Variants in RELN observed in about 807,000 individuals in gnomAD.
RELN encodes the protein reelin.
RELN carries 108 observed loss-of-function variants against 427.6 expected under a neutral mutation model. The ratio of observed to expected loss-of-function variants is 0.25; its 90% confidence interval spans 0.22 to 0.30. The LOEUF is 0.30. Among genes scored for constraint, RELN ranks in the 10% least tolerant of loss-of-function variants. The pLI is 1.00. For synonymous variants in RELN, 1,524 were observed against 1,513.4 expected (o/e 1.01, Z -0.16); for missense variants, 3,715 against 4,302.8 (o/e 0.86, Z 3.82).
rs1830119075 is a variant in RELN, at chr7:103,539,071, T to C, written c.7180+7A>G. 1 of 1,614,016 alleles carries C rather than the reference T, an allele frequency of 6.2e-7. No homozygotes were observed. The highest frequency in any genetic ancestry group is 8.5e-7 in the Non-Finnish European group (1 of 1,180,008). ...CCTGTCCCTCTATCTGGAGACGGCATACTCACCATAACAAGAGTCTGTGAC... is the reference window on the plus strand; with the variant it reads ...CCTGTCCCTCTATCTGGAGACGGCACACTCACCATAACAAGAGTCTGTGAC... On this transcript the variant is annotated splice_region_variant and intron_variant, in intron 45 of 64. Coordinates refer to ENST00000428762, the MANE Select transcript of RELN (RefSeq NM_005045.4).
Position 103,824,627 on chromosome 7 carries a change from A to AGTGTGTGTGTGTGTGTGTGTGT in RELN, c.473+8888_473+8909dup, listed in dbSNP as rs368098458. 3.4e-4 allele frequency among the ~76,000 whole-genome samples: 45 copies of AGTGTGTGTGTGTGTGTGTGTGT among 130,968 alleles called. No individual in the cohort carries two copies. Among genetic ancestry groups the AGTGTGTGTGTGTGTGTGTGTGT allele is most frequent in the Middle Eastern group, 4.3e-3 (1 of 230 alleles). 85.9% of individuals were successfully genotyped at this position (130,968 alleles called of 152,430 possible). A position where few individuals can be genotyped will look rare whatever the true frequency, so the allele number is the denominator to read the frequency against. On this transcript the variant is annotated intron_variant, in intron 3 of 64. Coordinates refer to ENST00000428762, the MANE Select transcript of RELN (RefSeq NM_005045.4). The surrounding 1 kb of genome is among the most constrained non-coding windows in gnomAD (Gnocchi z 4.4). Reference sequence around the variant, plus strand: ...GTGTTTTCACTTTCTTTCAAAACAGAGTGTGTGTGTGTGTGTGTGTGTGTG... The same window carrying AGTGTGTGTGTGTGTGTGTGTGT: ...GTGTTTTCACTTTCTTTCAAAACAGAGTGTGTGTGTGTGTGTGTGTGTGTGTGTGTGTGTGTGTGTGTGTGTG...
chr7:103,956,147 C>T (rs141517696), intron 1 of RELN, among the ~76,000 whole-genome samples: 2 of 152,296 alleles, frequency 1.3e-5, no homozygotes, highest in African/African-American at 2.4e-5. Context: ...ACTGCTTTAT[C>T]TACATTGCTC....
At chr7:103,628,968 C>T (rs994500380) in intron 20 of RELN, among the ~76,000 whole-genome samples, 3 of 152,162 alleles carry the variant, frequency 2.0e-5, no homozygotes, top group Non-Finnish European at 4.4e-5. Context: ...ACTACCTGGT[C>T]TCCAGGACAA....
chr7:103,766,540 TA>T (rs543943043), intron 4 of RELN, among the ~76,000 whole-genome samples: 71 of 152,338 alleles, frequency 4.7e-4, no homozygotes, highest in Non-Finnish European at 8.2e-4. Context: ...TAGTTGGGTA[TA>T]AAGTTACACT....
rs1250120746 is a variant in RELN, at chr7:103,635,549, C to G, written c.2341G>C (p.Val781Leu). Residue 781 changes from valine to leucine, a missense_variant, in exon 19 of 65, where the codon GTT becomes CTT. By Grantham distance (32) the Val-to-Leu change is conservative (BLOSUM62 1). This residue lies in a region of RELN where 2,208 missense variants were observed against 2,361.7 expected (regional missense o/e 0.93). Transcript: ENST00000428762. ...TCAGGGGCTCTGCACGTGCTCAGAA[C>G]AGATTTGCTCCCCAGTCTCAGTGTG... is the stretch of plus-strand genomic sequence containing the variant. ...QFTLRLGSKS[V>L]LSTCRAPDQP... The G allele has an allele frequency of 6.2e-7, 1 of 1,613,846 alleles. No individual in the cohort carries two copies. Among genetic ancestry groups the G allele is most frequent in the Non-Finnish European group, 8.5e-7 (1 of 1,179,906 alleles).
intron 28 of RELN, 31 bp downstream of exon 28, chr7:103,589,565 G>T: frequency 6.9e-7 from 1 of 1,456,066 alleles, no homozygotes; most frequent in Non-Finnish European, 9.7e-7. Flanking sequence ...CTTTCTTAAT[G>T]GCCCAAACCC....
At chr7:103,969,468 T>C (rs1408721250) in intron 1 of RELN, among the ~76,000 whole-genome samples, 2 of 152,166 alleles carry the variant, frequency 1.3e-5, no homozygotes, top group African/African-American at 2.4e-5. Context: ...ATGCCAGAAA[T>C]GGCCAATTAG....
chr7:103,899,301 T>G (rs1795030123), intron 2 of RELN, among the ~76,000 whole-genome samples: 1 of 152,028 alleles, frequency 6.6e-6, no homozygotes, highest in South Asian at 2.1e-4. Flanking sequence ...CAATAATTAA[T>G]AGCCTACCAA....
Position 103,487,170 on chromosome 7 carries a change from C to T in RELN, c.9764-754G>A, listed in dbSNP as rs998218550. 3.9e-5 allele frequency among the ~76,000 whole-genome samples: 6 copies of T among 152,152 alleles called. No homozygotes were observed. The South Asian group carries it at 1.0e-3, about 26-fold the overall frequency. ...CTAACACAAGAATAGAAAACCAAAC[C>T]ACCGCATGTTCTAATTCATAGGTGG... On this transcript the variant is annotated intron_variant, in intron 60 of 64. Transcript: ENST00000428762.
At chr7:103,810,437 G>C (rs973864963) in intron 3 of RELN, among the ~76,000 whole-genome samples, 1 of 152,128 alleles carries the variant, frequency 6.6e-6, no homozygotes, top group African/African-American at 2.4e-5. Context: ...TAATCAACTG[G>C]AACCAGAGGA....
chr7:103,544,937 C>T (rs1342788135), intron 42 of RELN, among the ~76,000 whole-genome samples, 187 bp downstream of exon 42: 1 of 152,190 alleles, frequency 6.6e-6, no homozygotes, highest in African/African-American at 2.4e-5. Flanking sequence ...ATCAGTATTT[C>T]ACTCACTGAC....
intron 46 of RELN, 121 bp downstream of exon 46, chr7:103,535,195 C>A: frequency 2.3e-6 from 2 of 880,916 alleles, no homozygotes; most frequent in Non-Finnish European, 3.7e-6. Context: ...TCATACATGG[C>A]AATACCATTA....
chr7:103,862,932 A>G (rs749830282), intron 2 of RELN, among the ~76,000 whole-genome samples: 5 of 152,146 alleles, frequency 3.3e-5, no homozygotes, highest in Non-Finnish European at 5.9e-5. Flanking sequence ...AGAGCCACAT[A>G]TTGAAGAGTG....
chr7:103,799,059 G>T (rs1792380100), intron 3 of RELN, among the ~76,000 whole-genome samples: 1 of 152,062 alleles, frequency 6.6e-6, no homozygotes, highest in African/African-American at 2.4e-5. Flanking sequence ...CATGTCTTGG[G>T]TTGCCATGAG....
intron 11 of RELN, 22 bp from the exon 12 acceptor site, chr7:103,661,549 GAGTT>G: frequency 6.2e-7 from 1 of 1,609,802 alleles, no homozygotes; most frequent in Non-Finnish European, 8.5e-7. Flanking sequence ...GGGGGATTAA[GAGTT>G]AGAGTTAGAA....
Position 103,539,311 on chromosome 7 carries a change from T to C in RELN, c.6947A>G (p.Asn2316Ser), listed in dbSNP as rs779039947. 1.2e-6 allele frequency: 2 copies of C among 1,614,088 alleles called. No homozygotes were observed. The highest frequency in any genetic ancestry group is 2.2e-5 in the East Asian group (1 of 44,884). ...WVIDQILIGG[N>S]ISGNTVLEDD... ...TTCCAAGACCGTATTACCAGAAATA[T>C]TTCCTCCAATAAGAATCTGAAATGT... The change falls in exon 45 of 65, where the codon AAT becomes AGT. Residue 2316 changes from asparagine (N) to serine (S), a missense_variant. Coordinates refer to ENST00000428762, the MANE Select transcript of RELN (RefSeq NM_005045.4).
rs1054925362 is a variant in RELN at position 103,477,081 on chromosome 7, T to G, written c.10286+1308A>C. The stretch of plus-strand genomic sequence containing the variant: ...AGTAAGTAATTGAAAGAAGGGAGAA[T>G]GAACAACAAAGGCTTCTTGGAAATG... On this transcript the variant is annotated intron_variant, in intron 64 of 64. Coordinates refer to ENST00000428762, the MANE Select transcript of RELN (RefSeq NM_005045.4). Among the ~76,000 whole-genome samples the G allele has an allele frequency of 2.0e-5, 3 of 152,182 alleles. No individual in the cohort carries two copies. The South Asian group carries it at 6.2e-4, about 32-fold the overall frequency.
At chr7:103,830,081 A>G (rs935675328) in intron 3 of RELN, among the ~76,000 whole-genome samples, 7 of 115,370 alleles carry the variant, frequency 6.1e-5, no homozygotes, top group African/African-American at 1.5e-4. Context: ...ACTGCCAATT[A>G]CAATTGTAGG....
chr7:103,542,409 AAAG>A (rs1830193992), intron 43 of RELN, among the ~76,000 whole-genome samples: 2 of 152,238 alleles, frequency 1.3e-5, no homozygotes, highest in Non-Finnish European at 1.5e-5. Flanking sequence ...ACAGAAAGAT[AAAG>A]AAGACACAAT....
Sources: gnomAD v4.1 joint callset for allele counts (sites outside exome capture counted in the v4.1 genomes callset) on GRCh38, gnomAD v4.1.1 for gene constraint, gnomAD v4.1.1 regional missense constraint, Gnocchi (gnomAD v3.1) non-coding constraint, MANE v1.5 for transcripts, NCBI Gene and HGNC (gene_info 2026-07-23, HGNC 2026-07-21) for gene names.